The following JAKMIP2 variants were observed in gnomAD, a reference collection of about 807,000 sequenced individuals.
The protein encoded by JAKMIP2 is janus kinase and microtubule-interacting protein 2.
A neutral mutation model predicts 115.0 loss-of-function variants in JAKMIP2; 25 were observed. The ratio of observed to expected loss-of-function variants is 0.22; its 90% confidence interval spans 0.16 to 0.30. The LOEUF (loss-of-function observed/expected upper bound fraction) is 0.30, where lower values mean the gene tolerates loss of function less well. Among genes scored for constraint, JAKMIP2 ranks in the 10% least tolerant of loss-of-function variants. The pLI, the probability that JAKMIP2 is intolerant of heterozygous loss-of-function variation, is 1.00. For missense variants in JAKMIP2, 642 were observed against 957.6 expected (o/e 0.67, Z 4.35); for synonymous variants, 334 against 343.6 (o/e 0.97, Z 0.31).
intron 2 of JAKMIP2, among the ~76,000 whole-genome samples, chr5:147,665,795 T>A (rs751626315): frequency 2.0e-5 from 3 of 152,222 alleles, no homozygotes; most frequent in Non-Finnish European, 4.4e-5. Flanking sequence ...CTGGATATAA[T>A]AGGAGATACT....
chr5:147,674,076 G>A (rs1168949970), intron 1 of JAKMIP2, among the ~76,000 whole-genome samples: 1 of 151,978 alleles, frequency 6.6e-6, no homozygotes, highest in Non-Finnish European at 1.5e-5. Context: ...GATCTGATTG[G>A]CATCTCAAAA....
intron 1 of JAKMIP2, among the ~76,000 whole-genome samples, chr5:147,743,970 TCTCC>T (rs1561572020): frequency 7.1e-6 from 1 of 139,864 alleles, no homozygotes; most frequent in Non-Finnish European, 1.6e-5. Context: ...CCTCCCTCCT[TCTCC>T]CTCCCTTCCT....
In JAKMIP2 at chr5:147,640,834, G is replaced by T; in HGVS notation, c.1282-11C>A. 1 of 1,608,580 alleles carries T rather than the reference G, an allele frequency of 6.2e-7. No homozygotes were observed. ...GTCCAAAACAGGCCTCTAAATGGAG[G>T]GAAAGTACCTATTTACTGACATAGC... On this transcript the variant is annotated splice_polypyrimidine_tract_variant and intron_variant, in intron 8 of 21. Coordinates refer to ENST00000616793, the MANE Select transcript of JAKMIP2 (RefSeq NM_001270941.2).
At chr5:147,751,694 A>G (rs1754567518) in intron 1 of JAKMIP2, among the ~76,000 whole-genome samples, 1 of 151,930 alleles carries the variant, frequency 6.6e-6, no homozygotes, top group Non-Finnish European at 1.5e-5. Context: ...GAGGAATTTT[A>G]CTCTTTTTCC....
intron 1 of JAKMIP2, among the ~76,000 whole-genome samples, chr5:147,776,125 T>C (rs907850336): frequency 1.3e-5 from 2 of 152,138 alleles, no homozygotes. Flanking sequence ...AAAACTATGA[T>C]ATACATGAAT....
rs771750787 is a variant in JAKMIP2 at position 147,660,955 on chromosome 5, C to T, written c.620G>A (p.Arg207Gln). 3.1e-6 allele frequency: 5 copies of T among 1,613,596 alleles called. No individual in the cohort carries two copies. Among genetic ancestry groups the T allele is most frequent in the Non-Finnish European group, 3.4e-6 (4 of 1,179,938 alleles). ...KIKWESERDIRRLMDEIKAKD... is the reference protein window; with the variant it reads ...KIKWESERDIQRLMDEIKAKD... ...TGGGATTACTGTACTAACCAGCCTC[C>T]GAATATCCCGCTCCGACTCCCACTT... Residue 207 changes from arginine to glutamine, a missense_variant, in exon 3 of 22, where the codon CGG (arginine) becomes CAG (glutamine). Transcript: ENST00000616793.
chr5:147,651,837 T>C (rs1758409477), intron 3 of JAKMIP2, among the ~76,000 whole-genome samples: 1 of 152,346 alleles, frequency 6.6e-6, no homozygotes, highest in South Asian at 2.1e-4. Flanking sequence ...AGCATTGTCT[T>C]TGGTTTCCGT....
chr5:147,656,611 C>T (rs1758689902), intron 3 of JAKMIP2, among the ~76,000 whole-genome samples: 1 of 152,316 alleles, frequency 6.6e-6, no homozygotes, highest in South Asian at 2.1e-4. Flanking sequence ...CTGAATACAG[C>T]ACGCTGATGG....
chr5:147,728,874 G>A (rs551213076), intron 1 of JAKMIP2, among the ~76,000 whole-genome samples: 1 of 152,158 alleles, frequency 6.6e-6, no homozygotes, highest in Non-Finnish European at 1.5e-5. Context: ...ACGGTATGGG[G>A]ACATGTGGAA....
At chr5:147,626,846 G>A (rs182126499) in intron 16 of JAKMIP2, among the ~76,000 whole-genome samples, 45 of 152,188 alleles carry the variant, frequency 3.0e-4, no homozygotes, top group African/African-American at 1.1e-3. Flanking sequence ...AAACCCAGGC[G>A]ATTTTTTCTT....
intron 1 of JAKMIP2, among the ~76,000 whole-genome samples, chr5:147,672,953 C>T (rs1176690270): frequency 6.6e-6 from 1 of 152,122 alleles, no homozygotes. Flanking sequence ...CCTAGAATTC[C>T]AAGCTTAGAA....
chr5:147,765,309 A>T (rs1755116865), intron 1 of JAKMIP2, among the ~76,000 whole-genome samples: 3 of 152,108 alleles, frequency 2.0e-5, no homozygotes, highest in African/African-American at 4.8e-5. Flanking sequence ...TGATTAGTAG[A>T]TAGGACATGA....
intron 16 of JAKMIP2, among the ~76,000 whole-genome samples, chr5:147,628,015 T>A (rs905837887): frequency 5.3e-5 from 8 of 152,052 alleles, no homozygotes; most frequent in Non-Finnish European, 1.0e-4. Flanking sequence ...GGTACTTTTT[T>A]TTTTTTTTTA....
intron 2 of JAKMIP2, among the ~76,000 whole-genome samples, chr5:147,668,096 C>T (rs968913273): frequency 2.0e-5 from 3 of 152,056 alleles, no homozygotes; most frequent in African/African-American, 4.8e-5. Flanking sequence ...TTGTGAGGCT[C>T]GATGTGAAAA....
chr5:147,597,973 G>A (rs181556704), intron 21 of JAKMIP2, among the ~76,000 whole-genome samples: 1 of 144,100 alleles, frequency 6.9e-6, no homozygotes, highest in African/African-American at 2.7e-5. Context: ...GGCTTCCTTG[G>A]TTCTTGGGTC....
intron 1 of JAKMIP2, among the ~76,000 whole-genome samples, chr5:147,688,695 G>A (rs1444657784): frequency 2.0e-5 from 3 of 152,150 alleles, no homozygotes; most frequent in Non-Finnish European, 4.4e-5. Flanking sequence ...CATCACTATA[G>A]TCCCACCCTT....
chr5:147,616,381 T>C (rs1756584484), intron 19 of JAKMIP2, among the ~76,000 whole-genome samples: 1 of 152,208 alleles, frequency 6.6e-6, no homozygotes, highest in Non-Finnish European at 1.5e-5. Flanking sequence ...GGTTCAGAAA[T>C]GTACTATCAG....
At chr5:147,674,973 C>T (rs1293859260) in intron 1 of JAKMIP2, among the ~76,000 whole-genome samples, 1 of 152,158 alleles carries the variant, frequency 6.6e-6, no homozygotes, top group African/African-American at 2.4e-5. Flanking sequence ...AAAGTGGCAA[C>T]TTTGACACAT....
chr5:147,718,842 T>A (rs1198606946), intron 1 of JAKMIP2, among the ~76,000 whole-genome samples: 1 of 151,488 alleles, frequency 6.6e-6, no homozygotes, highest in Non-Finnish European at 1.5e-5. Flanking sequence ...TGTGTCTCTA[T>A]TTCCTTCAGT....
Sources: gnomAD v4.1 joint callset for allele counts (sites outside exome capture counted in the v4.1 genomes callset) on GRCh38, gnomAD v4.1.1 for gene constraint, MANE v1.5 for transcripts, NCBI Gene and HGNC (gene_info 2026-07-23, HGNC 2026-07-21) for gene names.